Variants in ULK1 observed in about 807,000 individuals in gnomAD.
ULK1 encodes unc-51 like autophagy activating kinase 1, also known as serine/threonine-protein kinase ULK1.
ULK1 carries 48 observed loss-of-function variants against 117.5 expected under a neutral mutation model. The ratio of observed to expected loss-of-function variants is 0.41; its 90% CI spans 0.32 to 0.52. The LOEUF is 0.52. Ranked by LOEUF, ULK1 falls within the 20% of genes least tolerant of loss-of-function variation. The pLI, the probability that ULK1 is intolerant of heterozygous loss-of-function variation, is 0.29. For missense variants in ULK1, 1,387 were observed against 1,473.4 expected, an observed-to-expected ratio of 0.94 and a Z score of 0.96; for synonymous variants, 790 against 637.8, an observed-to-expected ratio of 1.24 and a Z score of -3.60.
intron 26 of ULK1, 59 bp downstream of exon 26, chr12:131,920,195 C>T: frequency 1.3e-6 from 2 of 1,577,490 alleles, no homozygotes; most frequent in Non-Finnish European, 1.7e-6. Flanking sequence ...CCCGCCGTCT[C>T]CACTGGGACG....
intron 3 of ULK1, 42 bp from the exon 4 acceptor site, chr12:131,906,850 G>T: frequency 1.2e-6 from 2 of 1,613,462 alleles, no homozygotes. Flanking sequence ...AGTGGGGCCC[G>T]GTGGCACTGG....
chr12:131,899,388 G>T (rs1262451466), intron 3 of ULK1, among the ~76,000 whole-genome samples: 2 of 151,996 alleles, frequency 1.3e-5, no homozygotes, highest in Non-Finnish European at 2.9e-5. Flanking sequence ...AGGTTTCTCT[G>T]TGTTGGTCAG....
At chr12:131,900,422 G>A (rs944341540) in intron 3 of ULK1, among the ~76,000 whole-genome samples, 11 of 152,170 alleles carry the variant, frequency 7.2e-5, no homozygotes, top group Admixed American at 2.6e-4. Context: ...CTTGGGTCAC[G>A]CTCTTTGAGT....
intron 3 of ULK1, among the ~76,000 whole-genome samples, chr12:131,898,413 T>C (rs1774255302): frequency 6.6e-6 from 1 of 152,122 alleles, no homozygotes; most frequent in African/African-American, 2.4e-5. Flanking sequence ...CAAGCATGTG[T>C]CTCCCTAGGT....
chr12:131,916,984 C>T lies in ULK1; in HGVS notation c.2104C>T (p.Leu702Phe), dbSNP rs1889819809. Residue 702 changes from leucine (L) to phenylalanine (F), a missense_variant, in exon 21 of 28, where the codon CTC becomes TTC. Leu to Phe is a conservative substitution (Grantham distance 22). Coordinates refer to ENST00000321867, the MANE Select transcript of ULK1 (RefSeq NM_003565.4). ...CAGCACCAGCCGCCTCACTGACCTGCTCCTTAAGGCGGCGTTTGGGACACA... is the reference window on the plus strand; with the variant it reads ...CAGCACCAGCCGCCTCACTGACCTGTTCCTTAAGGCGGCGTTTGGGACACA... ...SFSTSRLTDL[L>F]LKAAFGTQAP... 1 of 1,610,492 alleles carries T rather than the reference C, an allele frequency of 6.2e-7. No individual in the cohort carries two copies. The highest frequency in any genetic ancestry group is 8.5e-7 in the Non-Finnish European group (1 of 1,179,188).
In ULK1 at chr12:131,917,275, TTC is replaced by T. The variant is rs1341532344; in HGVS notation, c.2183-135_2183-134del. ...CGGAGGCTGTGGGACGGGGGTCGGG[TTC>T]GGCTCGGAGGCTGTGGGACGGGGGT... On this transcript the variant is annotated intron_variant, in intron 21 of 27. Coordinates refer to ENST00000321867, the MANE Select transcript of ULK1 (RefSeq NM_003565.4). 482 of 548,808 alleles carry T rather than the reference TTC, an allele frequency of 8.8e-4. 115 individuals are homozygous for T. The highest frequency in any genetic ancestry group is 7.1e-3 in the South Asian group (129 of 18,200). The allele number at this position is 548,808 out of a possible 1,614,324, so 34.0% of individuals were successfully genotyped here. A position where few individuals can be genotyped will look rare whatever the true frequency, so the allele number is the denominator to read the frequency against.
rs1380860467 is a variant in ULK1 at position 131,903,947 on chromosome 12, G to A, written c.247-2945G>A. ...TCTGTGACTCTGGGGCAAGGCCAGG[G>A]GTCTAGACGTGTCAGTAGCGAGGTG... is the stretch of plus-strand genomic sequence containing the variant. On this transcript the variant is annotated intron_variant, in intron 3 of 27. Transcript: ENST00000321867. This position sits in a 1 kb window ranked among gnomAD's most constrained non-coding sequence, Gnocchi z 6.0. Among the ~76,000 whole-genome samples, 1 of 152,092 alleles carries A rather than the reference G, an allele frequency of 6.6e-6. No homozygotes were observed. The highest frequency in any genetic ancestry group is 1.5e-5 in the Non-Finnish European group (1 of 67,988).
rs1437139525 is a variant in ULK1 at position 131,894,723 on chromosome 12, G to A, written c.-279G>A. The stretch of plus-strand genomic sequence containing the variant: ...CGGGCCCTAGTTGGAGCCGGAGTCG[G>A]AGTCGGAGTCGGATCCGGATTCGGA... On this transcript the variant is annotated 5_prime_UTR_variant, in exon 1 of 28. Coordinates refer to ENST00000321867, the MANE Select transcript of ULK1 (RefSeq NM_003565.4). 4 of 151,544 alleles carry A rather than the reference G, an allele frequency of 2.6e-5. No homozygotes were observed. The highest frequency in any genetic ancestry group is 9.7e-5 in the African/African-American group (4 of 41,326). 9.4% of individuals were successfully genotyped at this position (151,544 alleles called of 1,614,324 possible).
intron 10 of ULK1, 90 bp from the exon 11 acceptor site, chr12:131,910,164 A>G (rs899723457): frequency 6.3e-7 from 1 of 1,586,460 alleles, no homozygotes; most frequent in Admixed American, 1.7e-5. Context: ...GCAGGTGCCC[A>G]ACGCGGCTGG....
rs748527386 is a variant in ULK1 at position 131,916,610 on chromosome 12, C to A, written c.2072+19C>A. ...TTGGCCGGTGAGTTGAGGGGACAGGCCTTGGACGGGCTTCTGAGGGGCAGC... is the reference window on the plus strand; with the variant it reads ...TTGGCCGGTGAGTTGAGGGGACAGGACTTGGACGGGCTTCTGAGGGGCAGC... On this transcript the variant is annotated intron_variant, in intron 20 of 27. Coordinates refer to ENST00000321867, the MANE Select transcript of ULK1 (RefSeq NM_003565.4). The A allele has an allele frequency of 3.2e-6, 5 of 1,542,162 alleles. No homozygotes were observed. Among genetic ancestry groups the A allele is most frequent in the Admixed American group, 2.1e-5 (1 of 47,230 alleles).
chr12:131,900,818 C>T (rs1382447780), intron 3 of ULK1, among the ~76,000 whole-genome samples: 1 of 152,194 alleles, frequency 6.6e-6, no homozygotes, highest in East Asian at 1.9e-4. Context: ...TGGGTCCAGG[C>T]AGTCCAGCCC....
intron 13 of ULK1, among the ~76,000 whole-genome samples, chr12:131,912,382 T>TC (rs1429899835): frequency 6.6e-6 from 1 of 152,238 alleles, no homozygotes; most frequent in East Asian, 1.9e-4. Context: ...CTCATGCCCC[T>TC]CCCCCGCCAT....
chr12:131,895,137 T>TCC, intron 1 of ULK1, 25 bp downstream of exon 1: 3 of 1,468,044 alleles, frequency 2.0e-6, no homozygotes, highest in Non-Finnish European at 2.7e-6. Context: ...CGGCCCGGGA[T>TCC]CCCCCGCCCA....
In ULK1 at chr12:131,910,809, C is replaced by T. The variant is rs1889500845; in HGVS notation, c.948+9C>T. The stretch of plus-strand genomic sequence containing the variant: ...ACCTGGCCTCCCCGCCGGTGAGTTG[C>T]CGCCCCAGGGGCTTGGCAGCTTCTC... On this transcript the variant is annotated intron_variant, in intron 12 of 27. Coordinates refer to ENST00000321867, the MANE Select transcript of ULK1 (RefSeq NM_003565.4). 6.2e-7 allele frequency: 1 copy of T among 1,612,078 alleles called. No homozygotes were observed. The highest frequency in any genetic ancestry group is 8.5e-7 in the Non-Finnish European group (1 of 1,179,702).
intron 3 of ULK1, among the ~76,000 whole-genome samples, chr12:131,901,949 A>C (rs1268109835): frequency 6.6e-6 from 1 of 152,000 alleles, no homozygotes; most frequent in African/African-American, 2.4e-5. Context: ...GTGCCCTCAG[A>C]AGGGTTGGGC....
Position 131,894,830 on chromosome 12 carries a change from AC to A in ULK1, c.-169del, listed in dbSNP as rs1227938720. The A allele has an allele frequency of 3.3e-5, 5 of 150,980 alleles. No individual in the cohort carries two copies. Among genetic ancestry groups the A allele is most frequent in the African/African-American group, 1.3e-4 (5 of 39,620 alleles). The allele number at this position is 150,980 out of a possible 1,614,324, so 9.4% of individuals were successfully genotyped here. A position where few individuals can be genotyped will look rare whatever the true frequency, so the allele number is the denominator to read the frequency against. On this transcript the variant is annotated 5_prime_UTR_variant, in exon 1 of 28. Coordinates refer to ENST00000321867, the MANE Select transcript of ULK1 (RefSeq NM_003565.4). ...ACCCCGCCTGGCCCGCGGGGCTGGG[AC>A]CCGGCCCCGGCCTGCCCGATGGGGC...
intron 3 of ULK1, among the ~76,000 whole-genome samples, chr12:131,900,753 C>T (rs1889052654): frequency 1.3e-5 from 2 of 152,242 alleles, no homozygotes; most frequent in South Asian, 4.1e-4. Flanking sequence ...GAGTTACTTG[C>T]AGTGGAGACC....
intron 13 of ULK1, among the ~76,000 whole-genome samples, chr12:131,912,476 C>T (rs546610168): frequency 2.2e-4 from 34 of 152,354 alleles, no homozygotes; most frequent in African/African-American, 4.3e-4. Flanking sequence ...GGGAACCCCC[C>T]GCTCCATAAT....
At position 131,905,729 on chromosome 12, in the gene ULK1, T is replaced by C. The variant is rs190186418; in HGVS notation, c.247-1163T>C. Among the ~76,000 whole-genome samples, 18 of 152,294 alleles carry C rather than the reference T, an allele frequency of 1.2e-4. No individual in the cohort carries two copies. The East Asian group carries it at 3.5e-3, about 29-fold the overall frequency. On this transcript the variant is annotated intron_variant, in intron 3 of 27. Transcript: ENST00000321867. ...TCTGTGAAACGGGGGTGATGAGGAC[T>C]CGTCCCTGTGGCTGCGGGGAGTGAG...
Sources: allele counts gnomAD v4.1 joint callset (sites outside exome capture counted in the v4.1 genomes callset), GRCh38; gene constraint gnomAD v4.1.1; non-coding constraint Gnocchi (gnomAD v3.1); transcripts MANE v1.5; gene names NCBI Gene and HGNC (gene_info 2026-07-23, HGNC 2026-07-21).